PTPRO: variants seen among roughly 807,000 people sequenced by gnomAD.
PTPRO encodes receptor-type tyrosine-protein phosphatase O.
A neutral mutation model predicts 145.2 loss-of-function variants in PTPRO; 62 were observed. The observed-to-expected ratio is 0.43, with a 90% confidence interval of 0.35 to 0.53. The LOEUF (loss-of-function observed/expected upper bound fraction) is 0.53. Among genes scored for constraint, PTPRO ranks in the 20% least tolerant of loss-of-function variants. PTPRO has a pLI of 0.01. For missense variants in PTPRO, 1,345 were observed against 1,482.7 expected (o/e 0.91, Z 1.53); for synonymous variants, 565 against 514.7 (o/e 1.10, Z -1.32).
At chr12:15,447,187 G>C (rs143310935) in intron 1 of PTPRO, among the ~76,000 whole-genome samples, 13 of 152,218 alleles carry the variant, frequency 8.5e-5, no homozygotes, top group Non-Finnish European at 1.6e-4. Context: ...AAGTGAAATA[G>C]AATAACAACA....
chr12:15,375,785 CAG>C (rs972658716), intron 1 of PTPRO, among the ~76,000 whole-genome samples: 5 of 133,536 alleles, frequency 3.7e-5, no homozygotes, highest in Non-Finnish European at 6.5e-5. Flanking sequence ...AAAAAGGAAA[CAG>C]AAATTATTTT....
chr12:15,374,920 T>C (rs1401449069), intron 1 of PTPRO, among the ~76,000 whole-genome samples: 1 of 152,152 alleles, frequency 6.6e-6, no homozygotes, highest in Non-Finnish European at 1.5e-5. Flanking sequence ...CATCTCTGAC[T>C]GATGTTGAGC....
At chr12:15,494,715 C>G (rs546054259) in intron 2 of PTPRO, among the ~76,000 whole-genome samples, 1 of 152,284 alleles carries the variant, frequency 6.6e-6, no homozygotes, top group African/African-American at 2.4e-5. Flanking sequence ...AATATCTGTT[C>G]TCTAATCCTC....
chr12:15,364,011 C>G (rs910441007), intron 1 of PTPRO, among the ~76,000 whole-genome samples: 32 of 152,170 alleles, frequency 2.1e-4, no homozygotes, highest in African/African-American at 7.7e-4. Context: ...TGTTGTGGAA[C>G]TATCCATTTA....
intron 1 of PTPRO, among the ~76,000 whole-genome samples, chr12:15,451,541 G>A (rs1941046343): frequency 6.6e-6 from 1 of 152,070 alleles, no homozygotes; most frequent in African/African-American, 2.4e-5. Context: ...CACAGAATAT[G>A]CATTCTACTC....
chr12:15,578,533 C>G (rs1591761657), intron 19 of PTPRO, among the ~76,000 whole-genome samples: 1 of 152,194 alleles, frequency 6.6e-6, no homozygotes, highest in African/African-American at 2.4e-5. Context: ...GGCTGTGGGT[C>G]AGAGTCAGGT....
In PTPRO at chr12:15,580,816, T is replaced by C. The variant is rs1167183418; in HGVS notation, c.3117T>C (p.Cys1039=). 1 of 1,613,900 alleles carries C rather than the reference T, an allele frequency of 6.2e-7. No homozygotes were observed. The highest frequency in any genetic ancestry group is 1.1e-5 in the South Asian group (1 of 91,076). Residue 1039 remains cysteine (C), a synonymous_variant, in exon 22 of 27, where the codon TGT becomes TGC. Coordinates refer to ENST00000281171, the MANE Select transcript of PTPRO (RefSeq NM_030667.3). ...KSQIIVMLTQ[C]NEKRRVKCDH... ...AGATTATTGTCATGCTCACTCAGTGTAATGAGAAAAGGAGGGTACGTACTT... is the reference window on the plus strand; with the variant it reads ...AGATTATTGTCATGCTCACTCAGTGCAATGAGAAAAGGAGGGTACGTACTT...
At position 15,581,947 on chromosome 12, in the gene PTPRO, T is replaced by A. The variant is rs1944329510; in HGVS notation, c.3255+146T>A. ...CGAGTGTGGAGTGGGAAATCAGGGG[T>A]CTCACAGCTTTAAGAGCTGAGAGCC... is the stretch of plus-strand genomic sequence containing the variant. On this transcript the variant is annotated intron_variant, in intron 23 of 26. Transcript: ENST00000281171. 18 of 1,088,490 alleles carry A rather than the reference T, an allele frequency of 1.7e-5. No homozygotes were observed. The South Asian group carries it at 1.9e-4, about 11-fold the overall frequency. 67.4% of individuals were successfully genotyped at this position (1,088,490 alleles called of 1,614,324 possible). A position where few individuals can be genotyped will look rare whatever the true frequency, so the allele number is the denominator to read the frequency against.
intron 1 of PTPRO, among the ~76,000 whole-genome samples, chr12:15,404,837 T>C (rs1226273629): frequency 6.6e-6 from 1 of 152,208 alleles, no homozygotes; most frequent in East Asian, 1.9e-4. Flanking sequence ...GAGCTTCTAT[T>C]CCAAAAATAC....
At chr12:15,526,091 C>T (rs1222809530) in intron 11 of PTPRO, 51 bp from the exon 12 acceptor site, 1 of 1,611,718 alleles carries the variant, frequency 6.2e-7, no homozygotes, top group Non-Finnish European at 8.5e-7. Flanking sequence ...TGGGGTGGTG[C>T]ACTGATTCAT....
At chr12:15,432,119 C>T (rs79338619) in intron 1 of PTPRO, among the ~76,000 whole-genome samples, 1 of 152,066 alleles carries the variant, frequency 6.6e-6, no homozygotes, top group African/African-American at 2.4e-5. Context: ...TCCTAGTACC[C>T]ATTTGTTATT....
At chr12:15,567,278 A>G (rs2135599033) in intron 18 of PTPRO, among the ~76,000 whole-genome samples, 1 of 151,840 alleles carries the variant, frequency 6.6e-6, no homozygotes, top group Admixed American at 6.6e-5. Context: ...TGCCTTCTCT[A>G]CCATTTCTCT....
intron 1 of PTPRO, among the ~76,000 whole-genome samples, chr12:15,477,416 G>C (rs1941679993): frequency 6.7e-6 from 1 of 149,966 alleles, no homozygotes; most frequent in Non-Finnish European, 1.5e-5. Flanking sequence ...ATGAGTTAGT[G>C]GGCGCAGCGC....
At position 15,497,345 on chromosome 12, in the gene PTPRO, C is replaced by T. The variant is rs779603502; in HGVS notation, c.450C>T (p.Phe150=). Reference sequence around the variant, plus strand: ...ATTATCCAGAAAAATATAACGTTTTCACAAGAGTGAACATTAGCTACTGGG... The same window carrying T: ...ATTATCCAGAAAAATATAACGTTTTTACAAGAGTGAACATTAGCTACTGGG... ...EIHYPEKYNV[F]TRVNISYWEG... Residue 150 remains phenylalanine (F), a synonymous_variant, in exon 3 of 27, where the codon TTC becomes TTT. Transcript: ENST00000281171. The T allele has an allele frequency of 1.2e-6, 2 of 1,612,532 alleles. No homozygotes were observed. Among genetic ancestry groups the T allele is most frequent in the Admixed American group, 1.7e-5 (1 of 59,996 alleles).
At chr12:15,398,046 G>A (rs1939390851) in intron 1 of PTPRO, among the ~76,000 whole-genome samples, 1 of 152,108 alleles carries the variant, frequency 6.6e-6, no homozygotes, top group African/African-American at 2.4e-5. Flanking sequence ...GCGAGGCAAG[G>A]GTTAATTGTT....
intron 17 of PTPRO, among the ~76,000 whole-genome samples, chr12:15,564,931 A>G (rs1419003179): frequency 2.0e-5 from 3 of 152,186 alleles, no homozygotes; most frequent in Non-Finnish European, 2.9e-5. Context: ...TACCTTAATT[A>G]TCTCCTAAAC....
intron 1 of PTPRO, among the ~76,000 whole-genome samples, chr12:15,378,304 G>A (rs1344303049): frequency 6.6e-6 from 1 of 151,796 alleles, no homozygotes; most frequent in Non-Finnish European, 1.5e-5. Context: ...AATGAAAAAG[G>A]AGACAGCCCT....
intron 1 of PTPRO, among the ~76,000 whole-genome samples, chr12:15,346,862 A>G (rs752957951): frequency 2.0e-5 from 3 of 152,182 alleles, no homozygotes; most frequent in Non-Finnish European, 4.4e-5. Context: ...AGGGGTTTAA[A>G]GTCTTTCATG....
At chr12:15,562,315 A>G (rs574206971) in intron 17 of PTPRO, among the ~76,000 whole-genome samples, 2 of 152,208 alleles carry the variant, frequency 1.3e-5, no homozygotes, top group Admixed American at 1.3e-4. Context: ...CCCTGCTTTC[A>G]TTGGCTAAAG....
Sources: allele counts gnomAD v4.1 joint callset (sites outside exome capture counted in the v4.1 genomes callset), GRCh38; gene constraint gnomAD v4.1.1; transcripts MANE v1.5; gene names NCBI Gene and HGNC (gene_info 2026-07-23, HGNC 2026-07-21).